Variants in STK32B observed in about 807,000 individuals in gnomAD.
STK32B encodes the protein serine/threonine kinase 32B, also known as serine/threonine-protein kinase 32B.
In STK32B, 43 loss-of-function variants were observed where a neutral mutation model predicts 52.6. That is an observed-to-expected ratio of 0.82 (90% CI 0.64 to 1.05). The LOEUF is 1.05. Ranked by LOEUF, STK32B falls within the 50% of genes least tolerant of loss-of-function variation. The probability of loss-of-function intolerance (pLI) is 0.00; values close to 1 mark genes in which losing one functional copy is unlikely to be tolerated. For synonymous variants in STK32B, 238 were observed against 204.3 expected (o/e 1.17, Z -1.41); for missense variants, 621 against 534.6 (o/e 1.16, Z -1.59).
In STK32B at chr4:5,204,510, C is replaced by A. The variant is rs541758757; in HGVS notation, c.260+36060C>A. 4.4e-3 allele frequency among the ~76,000 whole-genome samples: 488 copies of A among 111,374 alleles called. 5 individuals are homozygous for A. Among genetic ancestry groups the A allele is most frequent in the African/African-American group, 0.015 (461 of 30,546 alleles). 73.1% of individuals were successfully genotyped at this position (111,374 alleles called of 152,430 possible). A position where few individuals can be genotyped will look rare whatever the true frequency, so the allele number is the denominator to read the frequency against. On this transcript the variant is annotated intron_variant, in intron 3 of 11. Transcript: ENST00000282908. ...TTTGAGACAGAGTCTCACTCTGTTA[C>A]CCAGGCTGGAGAGCAATGGCATGAT...
chr4:5,084,492 T>G, intron 1 of STK32B, among the ~76,000 whole-genome samples: 1 of 152,224 alleles, frequency 6.6e-6, no homozygotes, highest in Non-Finnish European at 1.5e-5. Flanking sequence ...GAATTTGTAA[T>G]GGTGATAAAA....
chr4:5,298,439 G>A (rs1231445905), intron 3 of STK32B, among the ~76,000 whole-genome samples: 1 of 152,134 alleles, frequency 6.6e-6, no homozygotes, highest in Non-Finnish European at 1.5e-5. Flanking sequence ...TTTATCTATA[G>A]GCCCCTGACT....
chr4:5,034,598 G>A, the STK32B span, among the ~76,000 whole-genome samples: 1 of 152,316 alleles, frequency 6.6e-6, no homozygotes, highest in East Asian at 1.9e-4. Flanking sequence ...CTGATGCTCT[G>A]CAGAAATTGA....
At chr4:5,130,560 A>G (rs1284460988) in intron 1 of STK32B, among the ~76,000 whole-genome samples, 2 of 152,134 alleles carry the variant, frequency 1.3e-5, no homozygotes, top group African/African-American at 4.8e-5. Flanking sequence ...TCACACCAAG[A>G]GGACACCTTC....
chr4:5,019,550 C>G, the STK32B span: 1 of 1,266,998 alleles, frequency 7.9e-7, no homozygotes, highest in East Asian at 3.2e-5. Context: ...GCGCAGGCTG[C>G]GGTCCATCCA....
chr4:5,218,573 C>G (rs929645857), intron 3 of STK32B, among the ~76,000 whole-genome samples: 1 of 152,146 alleles, frequency 6.6e-6, no homozygotes, highest in East Asian at 1.9e-4. Flanking sequence ...AAACTGCGTG[C>G]TTGGCTGGTT....
intron 1 of STK32B, among the ~76,000 whole-genome samples, chr4:5,080,970 C>T (rs531300586): frequency 3.9e-5 from 6 of 152,202 alleles, no homozygotes; most frequent in Non-Finnish European, 7.4e-5. Context: ...GCCCCCAACC[C>T]GTCTTGACTA....
At chr4:5,187,245 G>A (rs1308987983) in intron 3 of STK32B, among the ~76,000 whole-genome samples, 3 of 152,188 alleles carry the variant, frequency 2.0e-5, no homozygotes, top group Non-Finnish European at 2.9e-5. Flanking sequence ...ACCTTCTTGT[G>A]CCCGTTTTCC....
chr4:5,280,774 C>T (rs758077614), intron 3 of STK32B, among the ~76,000 whole-genome samples: 3 of 152,032 alleles, frequency 2.0e-5, no homozygotes, highest in Non-Finnish European at 2.9e-5. Context: ...TGGTGGGTGC[C>T]TGTAATCCCA....
intron 1 of STK32B, among the ~76,000 whole-genome samples, chr4:5,121,080 C>A (rs1714999208): frequency 6.6e-6 from 1 of 152,082 alleles, no homozygotes; most frequent in South Asian, 2.1e-4. Flanking sequence ...AGTCTTTTAT[C>A]CCTCCCCACT....
In STK32B at chr4:5,467,288, C is replaced by G. The variant is rs1717518705; in HGVS notation, c.1041+454C>G. Among the ~76,000 whole-genome samples the G allele has an allele frequency of 6.6e-6, 1 of 152,186 alleles. No homozygotes were observed. ...GAGGCCAGAAATCCAAACTCAAGGTCTCCGCAGAGCCCAGCTCTCTCCAAA... is the reference window on the plus strand; with the variant it reads ...GAGGCCAGAAATCCAAACTCAAGGTGTCCGCAGAGCCCAGCTCTCTCCAAA... On this transcript the variant is annotated intron_variant, in intron 10 of 11. Coordinates refer to ENST00000282908, the MANE Select transcript of STK32B (RefSeq NM_018401.3). The surrounding 1 kb of genome is among the most constrained non-coding windows in gnomAD (Gnocchi z 5.8).
At chr4:5,044,388 C>T in the STK32B span, among the ~76,000 whole-genome samples, 3 of 152,260 alleles carry the variant, frequency 2.0e-5, no homozygotes, top group East Asian at 1.9e-4. Context: ...CCACCACAGA[C>T]CCTTTAAATT....
At chr4:5,283,479 G>C (rs905605160) in intron 3 of STK32B, among the ~76,000 whole-genome samples, 1 of 152,064 alleles carries the variant, frequency 6.6e-6, no homozygotes, top group African/African-American at 2.4e-5. Context: ...AAAACATCCA[G>C]GTATAGGAAG....
At chr4:5,149,171 GCTTA>G (rs1345613092) in intron 2 of STK32B, among the ~76,000 whole-genome samples, 1 of 151,662 alleles carries the variant, frequency 6.6e-6, no homozygotes, top group Non-Finnish European at 1.5e-5. Context: ...ACCTACTTAT[GCTTA>G]CTGTTTCCAT....
At chr4:5,346,169 G>T (rs1288945673) in intron 4 of STK32B, among the ~76,000 whole-genome samples, 1 of 152,206 alleles carries the variant, frequency 6.6e-6, no homozygotes. Flanking sequence ...TGGGGTAGTG[G>T]TTCCCGTTTG....
Position 5,386,024 on chromosome 4 carries a change from G to A in STK32B, c.435-12183G>A, listed in dbSNP as rs1377243417. Among the ~76,000 whole-genome samples the A allele has an allele frequency of 2.5e-5, 2 of 81,230 alleles. No individual in the cohort carries two copies. Among genetic ancestry groups the A allele is most frequent in the African/African-American group, 9.2e-5 (2 of 21,622 alleles). 53.3% of individuals were successfully genotyped at this position (81,230 alleles called of 152,430 possible). ...GGCCCCACCCACGGCTCCACTCACAGCCCCTACCCAGAGCCCCCACCCACA... is the reference window on the plus strand; with the variant it reads ...GGCCCCACCCACGGCTCCACTCACAACCCCTACCCAGAGCCCCCACCCACA... On this transcript the variant is annotated intron_variant, in intron 4 of 11. Transcript: ENST00000282908. The surrounding 1 kb of genome is among the most constrained non-coding windows in gnomAD (Gnocchi z 4.5).
intron 2 of STK32B, among the ~76,000 whole-genome samples, chr4:5,161,595 A>C (rs894577467): frequency 2.0e-5 from 3 of 152,230 alleles, no homozygotes; most frequent in African/African-American, 7.2e-5. Context: ...AACCTCTAGC[A>C]AACTAACATC....
At chr4:5,274,082 A>C (rs1019108698) in intron 3 of STK32B, among the ~76,000 whole-genome samples, 3 of 152,208 alleles carry the variant, frequency 2.0e-5, no homozygotes, top group Non-Finnish European at 4.4e-5. Flanking sequence ...CATATATTCC[A>C]CACAATCTCA....
rs1006060385 is a variant in STK32B at position 5,499,839 on chromosome 4, G to A, written c.*756G>A. On this transcript the variant is annotated 3_prime_UTR_variant, in exon 12 of 12. Coordinates refer to ENST00000282908, the MANE Select transcript of STK32B (RefSeq NM_018401.3). The stretch of plus-strand genomic sequence containing the variant: ...ATTCAGATGAGAGTTGGGTCGCTGA[G>A]CATTGGTTACTCCTGCAGAGTGTAA... 3.9e-5 allele frequency: 6 copies of A among 152,262 alleles called. No homozygotes were observed. Among genetic ancestry groups the A allele is most frequent in the African/African-American group, 1.2e-4 (5 of 41,462 alleles). The allele number at this position is 152,262 out of a possible 1,614,324, so 9.4% of individuals were successfully genotyped here.
Sources: allele counts gnomAD v4.1 joint callset (sites outside exome capture counted in the v4.1 genomes callset), GRCh38; gene constraint gnomAD v4.1.1; non-coding constraint Gnocchi (gnomAD v3.1); transcripts MANE v1.5; gene names NCBI Gene and HGNC (gene_info 2026-07-23, HGNC 2026-07-21).